The following DMD variants were observed in gnomAD, a reference collection of about 807,000 sequenced individuals.
The protein encoded by DMD is dystrophin, also known as mutant dystrophin.
A neutral mutation model predicts 330.1 loss-of-function variants in DMD; 63 were observed. The observed-to-expected ratio is 0.19, with a 90% confidence interval of 0.16 to 0.24. The LOEUF is 0.24. Among genes scored for constraint, DMD ranks in the 10% least tolerant of loss-of-function variants. DMD has a pLI of 1.00. For synonymous variants in DMD, 1,223 were observed against 959.8 expected (o/e 1.27, Z -5.07); for missense variants, 3,344 against 2,684.1 (o/e 1.25, Z -5.43).
chrX:32,465,546 T>C (rs1417807083), intron 23 of DMD, among the ~76,000 whole-genome samples: 7 of 107,220 alleles, frequency 6.5e-5, no homozygotes, highest in Admixed American at 3.1e-4. Flanking sequence ...ATCTTCACTG[T>C]CCTTGTTCAG....
At chrX:32,652,236 T>G (rs1170787387) in intron 9 of DMD, among the ~76,000 whole-genome samples, 3 of 108,964 alleles carry the variant, frequency 2.8e-5, no homozygotes, top group African/African-American at 6.7e-5. Flanking sequence ...GCTACACCCA[T>G]TAACTCGTCA....
chrX:32,387,486 T>C (rs1259759575), intron 32 of DMD, among the ~76,000 whole-genome samples: 1 of 111,569 alleles, frequency 9.0e-6, no homozygotes, highest in African/African-American at 3.2e-5. Context: ...AGTAGGTAAT[T>C]GTTTTTATGG....
intron 41 of DMD, among the ~76,000 whole-genome samples, chrX:32,329,682 A>T (rs965565436): frequency 1.8e-5 from 2 of 112,605 alleles, no homozygotes; most frequent in African/African-American, 6.4e-5. Context: ...AGATGGAGTT[A>T]TATGTTATAG....
At chrX:32,524,929 C>T (rs2046807253) in intron 17 of DMD, among the ~76,000 whole-genome samples, 1 of 111,889 alleles carries the variant, frequency 8.9e-6, no homozygotes, top group Admixed American at 9.4e-5. Flanking sequence ...GTGAGGAGAG[C>T]GTTTTGTCTA....
intron 1 of DMD, among the ~76,000 whole-genome samples, chrX:33,283,707 A>C (rs1234514551): frequency 9.0e-6 from 1 of 110,770 alleles, no homozygotes; most frequent in Non-Finnish European, 1.9e-5. Flanking sequence ...ATTGTATTTT[A>C]TTATTTAATT....
At chrX:32,415,913 A>C (rs1321673118) in intron 29 of DMD, among the ~76,000 whole-genome samples, 7 of 112,489 alleles carry the variant, frequency 6.2e-5, no homozygotes, top group African/African-American at 2.3e-4. Context: ...GAAATATAAA[A>C]TAAGTTTAAG....
rs1360287628 is a variant in DMD, at chrX:32,763,757, AAGC to A, written c.649+45733_649+45735del. 6.3e-5 allele frequency among the ~76,000 whole-genome samples: 7 copies of A among 111,992 alleles called. No homozygotes were observed. In the South Asian group the frequency reaches 1.8e-3, roughly 29 times the overall value. On this transcript the variant is annotated intron_variant, in intron 7 of 78. Coordinates refer to ENST00000357033, the MANE Select transcript of DMD (RefSeq NM_004006.3). ...TCAAATTCCAATTAACATAGAAAAA[AAGC>A]AGTAGCGATAAAAACATGTCTCTAT...
intron 62 of DMD, among the ~76,000 whole-genome samples, chrX:31,317,509 ATTT>A (rs775949235): frequency 5.9e-5 from 5 of 84,891 alleles, no homozygotes; most frequent in Non-Finnish European, 4.5e-5. Flanking sequence ...AAATGAGGAA[ATTT>A]TTTTTTTTTT....
chrX:32,100,834 C>T (rs1205114991), intron 44 of DMD, among the ~76,000 whole-genome samples: 1 of 111,868 alleles, frequency 8.9e-6, no homozygotes, highest in Non-Finnish European at 1.9e-5. Flanking sequence ...TCTCCCTTCG[C>T]CATGCTTCTT....
intron 17 of DMD, among the ~76,000 whole-genome samples, chrX:32,540,633 G>A (rs768477268): frequency 4.5e-5 from 5 of 111,675 alleles, no homozygotes; most frequent in Middle Eastern, 4.3e-3. Flanking sequence ...AACATTTATT[G>A]GTTACTTATT....
At chrX:32,370,390 G>A (rs903486518) in intron 34 of DMD, among the ~76,000 whole-genome samples, 14 of 110,624 alleles carry the variant, frequency 1.3e-4, no homozygotes, top group African/African-American at 4.6e-4. Flanking sequence ...AGGCTAATGT[G>A]ACAGAATAAT....
intron 1 of DMD, among the ~76,000 whole-genome samples, chrX:33,209,152 C>T (rs890424266): frequency 1.8e-5 from 2 of 111,226 alleles, no homozygotes; most frequent in South Asian, 3.7e-4. Context: ...TGTAATTATG[C>T]ATAGAACACT....
intron 5 of DMD, among the ~76,000 whole-genome samples, chrX:32,817,485 T>A (rs1415684930): frequency 8.9e-6 from 1 of 112,116 alleles, no homozygotes; most frequent in African/African-American, 3.2e-5. Context: ...GTTTCATGAA[T>A]GCAGTGACGC....
At chrX:32,492,002 A>T (rs969117197) in intron 19 of DMD, among the ~76,000 whole-genome samples, 1 of 111,901 alleles carries the variant, frequency 8.9e-6, no homozygotes, top group Non-Finnish European at 1.9e-5. Flanking sequence ...AGAGGAAAAA[A>T]AATCCAAGAT....
chrX:32,565,965 G>A, intron 15 of DMD, 84 bp from the exon 16 acceptor site: 1 of 861,613 alleles, frequency 1.2e-6, no homozygotes, highest in Non-Finnish European at 1.7e-6. Context: ...GCGTGTATTT[G>A]CTCATTTGCA....
At chrX:32,197,513 G>A (rs773818030) in intron 44 of DMD, among the ~76,000 whole-genome samples, 2 of 111,389 alleles carry the variant, frequency 1.8e-5, no homozygotes, top group South Asian at 7.5e-4. Flanking sequence ...GATATAGTTG[G>A]TTCACTTAGC....
At chrX:32,450,473 A>G (rs1202160712) in intron 26 of DMD, among the ~76,000 whole-genome samples, 1 of 111,067 alleles carries the variant, frequency 9.0e-6, no homozygotes, top group Non-Finnish European at 1.9e-5. Context: ...TTGCATTTTG[A>G]CTTTAGTAAT....
chrX:32,879,579 C>G (rs1170809053), intron 2 of DMD, among the ~76,000 whole-genome samples: 4 of 112,053 alleles, frequency 3.6e-5, no homozygotes, highest in Non-Finnish European at 5.6e-5. Context: ...GTTAAAGAGC[C>G]TTTACTGTAT....
At chrX:31,942,830 T>C in intron 45 of DMD, among the ~76,000 whole-genome samples, 1 of 112,268 alleles carries the variant, frequency 8.9e-6, no homozygotes, top group Non-Finnish European at 1.9e-5. Context: ...ATTTGCTTAG[T>C]TCCTATATTA....
Sources: allele counts gnomAD v4.1 joint callset (sites outside exome capture counted in the v4.1 genomes callset), GRCh38; gene constraint gnomAD v4.1.1; transcripts MANE v1.5; gene names NCBI Gene and HGNC (gene_info 2026-07-23, HGNC 2026-07-21).